SOX5: variants seen among roughly 807,000 people sequenced by gnomAD.
SOX5 encodes the protein SRY-box transcription factor 5, also known as transcription factor SOX-5.
Under a neutral mutation model 92.0 loss-of-function variants are expected in SOX5, and 9 were observed. The observed-to-expected ratio is 0.10, with a 90% CI of 0.06 to 0.17. The LOEUF is 0.17. SOX5 is among the 10% of genes least tolerant of loss of function. The pLI is 1.00. For missense variants in SOX5, 642 were observed against 944.5 expected (o/e 0.68, Z 4.20); for synonymous variants, 344 against 336.3 (o/e 1.02, Z -0.25).
intron 4 of SOX5, among the ~76,000 whole-genome samples, chr12:24,198,570 G>A (rs1334531102): frequency 6.6e-6 from 1 of 152,072 alleles, no homozygotes; most frequent in Non-Finnish European, 1.5e-5. Flanking sequence ...GATGATATAC[G>A]AACTAATAAC....
At chr12:23,710,169 T>C (rs556292395) in intron 6 of SOX5, among the ~76,000 whole-genome samples, 1 of 152,006 alleles carries the variant, frequency 6.6e-6, no homozygotes, top group Admixed American at 6.5e-5. Flanking sequence ...AAGTTCTTTG[T>C]TGGATTAAAC....
intron 4 of SOX5, among the ~76,000 whole-genome samples, chr12:24,001,532 G>C (rs1013492307): frequency 2.0e-5 from 3 of 152,058 alleles, no homozygotes; most frequent in Non-Finnish European, 4.4e-5. Context: ...GAGAAAATTA[G>C]AAAACAGTGT....
intron 1 of SOX5, among the ~76,000 whole-genome samples, chr12:23,899,890 CTAATG>C (rs1258427622): frequency 5.9e-5 from 9 of 152,112 alleles, no homozygotes; most frequent in African/African-American, 1.7e-4. Flanking sequence ...AGAATAAATA[CTAATG>C]AAAGACAGTT....
chr12:24,500,403 A>C (rs1948079102), intron 1 of SOX5, among the ~76,000 whole-genome samples: 1 of 152,146 alleles, frequency 6.6e-6, no homozygotes, highest in South Asian at 2.1e-4. Flanking sequence ...ATTCCCAGAT[A>C]ACAGAATTGA....
At chr12:24,055,728 A>C (rs910211904) in intron 4 of SOX5, among the ~76,000 whole-genome samples, 1 of 152,268 alleles carries the variant, frequency 6.6e-6, no homozygotes, top group Non-Finnish European at 1.5e-5. Context: ...GTTGCAAAGA[A>C]TATTTTAAAC....
At chr12:23,940,608 T>C (rs1943440059) in intron 1 of SOX5, among the ~76,000 whole-genome samples, 1 of 151,308 alleles carries the variant, frequency 6.6e-6, no homozygotes, top group Non-Finnish European at 1.5e-5. Flanking sequence ...AAAGAAGAAC[T>C]AGAACTTGAG....
intron 1 of SOX5, among the ~76,000 whole-genome samples, chr12:23,927,607 T>C (rs1235162182): frequency 6.6e-6 from 1 of 152,096 alleles, no homozygotes; most frequent in Non-Finnish European, 1.5e-5. Context: ...TCACAGACTA[T>C]ATAAAGTCTA....
At chr12:23,570,931 ATAT>A (rs1378513426) in intron 10 of SOX5, among the ~76,000 whole-genome samples, 10 of 16,790 alleles carry the variant, frequency 6.0e-4, no homozygotes, top group African/African-American at 7.7e-4. Context: ...AAAAAAAAAA[ATAT>A]ATATATATAT....
chr12:24,203,440 G>T (rs1200055483), intron 4 of SOX5, among the ~76,000 whole-genome samples: 1 of 152,146 alleles, frequency 6.6e-6, no homozygotes, highest in East Asian at 1.9e-4. Context: ...ACCACCACTG[G>T]GGTGTTAATG....
chr12:23,534,902 G>T (rs909228134), intron 14 of SOX5, among the ~76,000 whole-genome samples: 10 of 151,854 alleles, frequency 6.6e-5, no homozygotes, highest in Non-Finnish European at 1.3e-4. Flanking sequence ...TACAGACGGG[G>T]TTTCACCATG....
chr12:24,398,571 G>C (rs573457663), intron 1 of SOX5, among the ~76,000 whole-genome samples: 1 of 152,064 alleles, frequency 6.6e-6, no homozygotes, highest in Non-Finnish European at 1.5e-5. Context: ...ACACACAGTG[G>C]TACTTGTGTT....
At chr12:24,353,776 G>A (rs1045475193) in intron 2 of SOX5, among the ~76,000 whole-genome samples, 1 of 152,086 alleles carries the variant, frequency 6.6e-6, no homozygotes, top group Non-Finnish European at 1.5e-5. Context: ...GAATAGCTGG[G>A]ATTACAGGCG....
intron 1 of SOX5, among the ~76,000 whole-genome samples, chr12:23,939,309 A>G (rs1198027487): frequency 6.6e-6 from 1 of 151,004 alleles, no homozygotes; most frequent in African/African-American, 2.4e-5. Flanking sequence ...ACAGTAGGAT[A>G]TTTGCACATT....
intron 6 of SOX5, among the ~76,000 whole-genome samples, chr12:23,731,409 A>T (rs527950408): frequency 8.5e-4 from 129 of 152,258 alleles, no homozygotes; most frequent in African/African-American, 3.1e-3. Flanking sequence ...ATCCATATCT[A>T]TATCTTCTAT....
intron 4 of SOX5, among the ~76,000 whole-genome samples, chr12:23,750,194 A>G (rs2094138514): frequency 6.6e-6 from 1 of 151,950 alleles, no homozygotes; most frequent in Non-Finnish European, 1.5e-5. Context: ...CTCTGCCACA[A>G]CTAGAGTATG....
intron 1 of SOX5, among the ~76,000 whole-genome samples, chr12:24,400,456 C>T (rs749671085): frequency 4.1e-4 from 62 of 152,136 alleles, no homozygotes; most frequent in Non-Finnish European, 8.5e-4. Flanking sequence ...AGTTGCTGAG[C>T]AACAGCAATG....
At chr12:24,308,062 C>A (rs778483777) in intron 2 of SOX5, among the ~76,000 whole-genome samples, 1 of 151,742 alleles carries the variant, frequency 6.6e-6, no homozygotes, top group East Asian at 1.9e-4. Context: ...AGCAGCTTCC[C>A]GATAAGATCT....
intron 4 of SOX5, among the ~76,000 whole-genome samples, chr12:24,080,814 T>C (rs1943236798): frequency 6.6e-6 from 1 of 151,922 alleles, no homozygotes; most frequent in Non-Finnish European, 1.5e-5. Flanking sequence ...TTTTAAAAAG[T>C]CTTTTAGGGG....
chr12:23,596,346 C>T (rs1184726063), intron 9 of SOX5, among the ~76,000 whole-genome samples: 2 of 152,002 alleles, frequency 1.3e-5, no homozygotes, highest in Non-Finnish European at 2.9e-5. Flanking sequence ...TACTATTTTC[C>T]ATCAACCTAA....
Sources: gnomAD v4.1 joint callset for allele counts (sites outside exome capture counted in the v4.1 genomes callset) on GRCh38, gnomAD v4.1.1 for gene constraint, MANE v1.5 for transcripts, NCBI Gene and HGNC (gene_info 2026-07-23, HGNC 2026-07-21) for gene names.